Variants in IDH3A observed in about 807,000 individuals in gnomAD.
The protein encoded by IDH3A is isocitrate dehydrogenase (NAD(+)) 3 catalytic subunit alpha.
In IDH3A, 23 loss-of-function variants were observed where a neutral mutation model predicts 43.3. The ratio of observed to expected loss-of-function variants is 0.53; its 90% CI spans 0.38 to 0.75. IDH3A has a LOEUF of 0.75. IDH3A is among the 30% of genes least tolerant of loss of function. IDH3A has a pLI of 0.00. For missense variants in IDH3A, 329 were observed against 474.4 expected, an observed-to-expected ratio of 0.69 and a Z score of 2.85; for synonymous variants, 154 against 163.5, an observed-to-expected ratio of 0.94 and a Z score of 0.44.
intron 2 of IDH3A, chr15:78,157,051 A>G (rs1020389845): frequency 2.2e-5 from 26 of 1,208,892 alleles, no homozygotes; most frequent in Admixed American, 2.1e-4. Flanking sequence ...TATTTTGGAA[A>G]TGTGTCTGAA....
intron 6 of IDH3A, among the ~76,000 whole-genome samples, chr15:78,162,614 T>G (rs1009886049): frequency 6.6e-6 from 1 of 150,734 alleles, no homozygotes; most frequent in Non-Finnish European, 1.5e-5. Context: ...GGCGCGATCT[T>G]GGCTCACTGC....
chr15:78,162,670 C>T (rs62009340), intron 6 of IDH3A, among the ~76,000 whole-genome samples: 9,615 of 151,772 alleles, frequency 0.063, 360 homozygotes, highest in South Asian at 0.19. Flanking sequence ...CTCAGCTTCC[C>T]GAGTCACTGG....
At chr15:78,154,439 G>T (rs1277047128) in intron 1 of IDH3A, 1 of 152,158 alleles carries the variant, frequency 6.6e-6, no homozygotes, top group African/African-American at 2.4e-5. Flanking sequence ...TCACAGAATA[G>T]ATATAATGTA....
Position 78,170,886 on chromosome 15 carries a change from T to G in IDH3A, c.*1881T>G, listed in dbSNP as rs2074813073. On this transcript the variant is annotated 3_prime_UTR_variant, in exon 11 of 11. Coordinates refer to ENST00000299518, the MANE Select transcript of IDH3A (RefSeq NM_005530.3). ...AAGGTTTAATATTCAAATTATACATTAAATAGAATCAAACAGGCAGCAGCA... is the reference window on the plus strand; with the variant it reads ...AAGGTTTAATATTCAAATTATACATGAAATAGAATCAAACAGGCAGCAGCA... 6.5e-6 allele frequency: 1 copy of G among 153,156 alleles called. No homozygotes were observed. Among genetic ancestry groups the G allele is most frequent in the African/African-American group, 2.4e-5 (1 of 41,452 alleles). The allele number at this position is 153,156 out of a possible 1,614,324, so 9.5% of individuals were successfully genotyped here.
Position 78,160,009 on chromosome 15 carries a change from A to G in IDH3A, c.175-83A>G, listed in dbSNP as rs2074665336. 4.7e-5 allele frequency: 40 copies of G among 846,158 alleles called. 2 individuals carry two copies. In the South Asian group the frequency reaches 5.5e-4, roughly 12 times the overall value. The allele number at this position is 846,158 out of a possible 1,614,324, so 52.4% of individuals were successfully genotyped here. ...GACTCTATCTCAAAAACGAAGTTGA[A>G]AAAGTTTGTTCATCATTGCAGTATG... is the stretch of plus-strand genomic sequence containing the variant. On this transcript the variant is annotated intron_variant, in intron 3 of 10. Coordinates refer to ENST00000299518, the MANE Select transcript of IDH3A (RefSeq NM_005530.3).
In IDH3A at chr15:78,152,315, C is replaced by T. The variant is rs74514986; in HGVS notation, c.27+2885C>T. 1.7e-3 allele frequency among the ~76,000 whole-genome samples: 255 copies of T among 150,490 alleles called. 6 individuals carry two copies. In the East Asian group the frequency reaches 0.047, roughly 27 times the overall value. On this transcript the variant is annotated intron_variant, in intron 1 of 10. Coordinates refer to ENST00000299518, the MANE Select transcript of IDH3A (RefSeq NM_005530.3). ...TCAGGTGATCCACCGGCCTCAGCCT[C>T]CCAAAGTGCTGGGATTACAAGCGTG...
intron 10 of IDH3A, 98 bp downstream of exon 10, chr15:78,166,400 C>T (rs1471581197): frequency 5.6e-6 from 7 of 1,241,856 alleles, no homozygotes; most frequent in African/African-American, 1.5e-5. Context: ...AGTTCTCAGG[C>T]GGGCCCAAGC....
At chr15:78,156,012 T>C in intron 2 of IDH3A, among the ~76,000 whole-genome samples, 1 of 152,236 alleles carries the variant, frequency 6.6e-6, no homozygotes, top group Middle Eastern at 3.2e-3. Context: ...TTCCTCCATT[T>C]ACTTTCTGTA....
rs2074788359 is a variant in IDH3A, at chr15:78,169,122, G to A, written c.*117G>A. ...CTTGTTTCTTGACAGTACATTTTTA[G>A]ATCTGGCCTTTTCTTAACAAAATCT... On this transcript the variant is annotated 3_prime_UTR_variant, in exon 11 of 11. Transcript: ENST00000299518. 5 of 575,258 alleles carry A rather than the reference G, an allele frequency of 8.7e-6. No individual in the cohort carries two copies. The highest frequency in any genetic ancestry group is 6.1e-5 in the Admixed American group (2 of 33,048). The allele number at this position is 575,258 out of a possible 1,614,324, so 35.6% of individuals were successfully genotyped here. A position where few individuals can be genotyped will look rare whatever the true frequency, so the allele number is the denominator to read the frequency against.
Position 78,170,416 on chromosome 15 carries a change from C to T in IDH3A, c.*1411C>T, listed in dbSNP as rs141266356. On this transcript the variant is annotated 3_prime_UTR_variant, in exon 11 of 11. Coordinates refer to ENST00000299518, the MANE Select transcript of IDH3A (RefSeq NM_005530.3). ...CTGGGTCACTTTTTAAGCTTGTAAC[C>T]GCCCCCCCAGACTTATAATCTTAAA... 2.0e-5 allele frequency: 3 copies of T among 151,838 alleles called. No homozygotes were observed. Among genetic ancestry groups the T allele is most frequent in the African/African-American group, 4.8e-5 (2 of 41,378 alleles). The allele number at this position is 151,838 out of a possible 1,614,324, so 9.4% of individuals were successfully genotyped here.
intron 10 of IDH3A, among the ~76,000 whole-genome samples, chr15:78,166,879 G>A (rs770423119): frequency 2.0e-5 from 3 of 150,876 alleles, no homozygotes; most frequent in Non-Finnish European, 3.0e-5. Flanking sequence ...TGATCCTCCC[G>A]CCCCAGCCTC....
Position 78,168,799 on chromosome 15 carries a change from G to T in IDH3A, c.1018-123G>T, listed in dbSNP as rs996564322. 4.6e-6 allele frequency: 3 copies of T among 654,072 alleles called. No individual in the cohort carries two copies. In the African/African-American group the frequency reaches 5.4e-5, roughly 12 times the overall value. 40.5% of individuals were successfully genotyped at this position (654,072 alleles called of 1,614,324 possible). On this transcript the variant is annotated intron_variant, in intron 10 of 10. Transcript: ENST00000299518. ...GAGTGGTTCCTCACTTTGAAATGAGGAACTAAATGAAAGAGCAGCCGAGTA... is the reference window on the plus strand; with the variant it reads ...GAGTGGTTCCTCACTTTGAAATGAGTAACTAAATGAAAGAGCAGCCGAGTA...
chr15:78,160,141 G>A lies in IDH3A; in HGVS notation c.224G>A (p.Gly75Glu). ...ERNVTAIQGP[G>E]GKWMIPSEAK... is the part of the protein sequence containing the mutation. The stretch of plus-strand genomic sequence containing the variant: ...AACGTCACTGCCATTCAAGGACCTG[G>A]AGGAAAGTGGATGATCCCTTCAGAG... Residue 75 changes from glycine to glutamate, a missense_variant, in exon 4 of 11, where the codon GGA becomes GAA. Around this residue, in one of 3 missense-constraint regions of IDH3A, gnomAD observed 212 missense variants for 345.5 expected, o/e 0.61. Coordinates refer to ENST00000299518, the MANE Select transcript of IDH3A (RefSeq NM_005530.3). 1 of 1,613,870 alleles carries A rather than the reference G, an allele frequency of 6.2e-7. No homozygotes were observed. Among genetic ancestry groups the A allele is most frequent in the Non-Finnish European group, 8.5e-7 (1 of 1,179,744 alleles).
Position 78,168,975 on chromosome 15 carries a change from A to G in IDH3A, c.1071A>G (p.Glu357=), listed in dbSNP as rs778096795. ...CAAAATGCTCAGACTTCACAGAGGAAATCTGTCGCCGAGTAAAAGATTTAG... is the reference window on the plus strand; with the variant it reads ...CAAAATGCTCAGACTTCACAGAGGAGATCTGTCGCCGAGTAAAAGATTTAG... ...GNAKCSDFTE[E]ICRRVKDLD Residue 357 remains glutamate, a synonymous_variant, in exon 11 of 11, where the codon GAA becomes GAG. Transcript: ENST00000299518. 4.4e-6 allele frequency: 7 copies of G among 1,602,074 alleles called. No homozygotes were observed. In the South Asian group the frequency reaches 4.4e-5, roughly 10 times the overall value.
rs1386485687 is a variant in IDH3A at position 78,170,073 on chromosome 15, C to A, written c.*1068C>A. On this transcript the variant is annotated 3_prime_UTR_variant, in exon 11 of 11. Transcript: ENST00000299518. The stretch of plus-strand genomic sequence containing the variant: ...AAGATGACATTCCAAAGACTGGAGG[C>A]AACTCAGCCTGAGTTAATTCACAAA... 2.6e-5 allele frequency: 4 copies of A among 152,258 alleles called. No homozygotes were observed. Among genetic ancestry groups the A allele is most frequent in the Non-Finnish European group, 5.9e-5 (4 of 68,056 alleles). The allele number at this position is 152,258 out of a possible 1,614,324, so 9.4% of individuals were successfully genotyped here.
intron 1 of IDH3A, among the ~76,000 whole-genome samples, chr15:78,149,664 A>G (rs1158729218): frequency 6.6e-6 from 1 of 152,178 alleles, no homozygotes; most frequent in Non-Finnish European, 1.5e-5. Flanking sequence ...GACGGCGTCA[A>G]GGTCAAGGCG....
chr15:78,165,107 A>C, intron 9 of IDH3A, 31 bp downstream of exon 9: 127 of 1,341,774 alleles, frequency 9.5e-5, no homozygotes, highest in Non-Finnish European at 1.3e-4. Context: ...AACAGAACTC[A>C]GGTCAGAACA....
At chr15:78,157,123 A>G in intron 2 of IDH3A, 1 of 1,129,882 alleles carries the variant, frequency 8.9e-7, no homozygotes, top group Admixed American at 4.4e-5. Flanking sequence ...TGGAAAGGAA[A>G]GGAAAACACT....
At chr15:78,163,482 G>T in intron 6 of IDH3A, 25 bp from the exon 7 acceptor site, 1 of 1,478,466 alleles carries the variant, frequency 6.8e-7, no homozygotes, top group Non-Finnish European at 9.3e-7. Context: ...TTTTTTTTCA[G>T]CAGTTTTTAT....
Sources: allele counts gnomAD v4.1 joint callset (sites outside exome capture counted in the v4.1 genomes callset), GRCh38; gene constraint gnomAD v4.1.1; regional missense constraint gnomAD v4.1.1; transcripts MANE v1.5; gene names NCBI Gene and HGNC (gene_info 2026-07-23, HGNC 2026-07-21).